Variants in VWC2 observed in about 807,000 individuals in gnomAD.
The protein encoded by VWC2 is von Willebrand factor C domain containing 2.
A neutral mutation model predicts 29.8 loss-of-function variants in VWC2; 14 were observed. The observed-to-expected ratio is 0.47, with a 90% CI of 0.31 to 0.74. VWC2 has a LOEUF of 0.74. VWC2 is among the 30% of genes least tolerant of loss of function. VWC2 has a pLI of 0.05. For missense variants in VWC2, 457 were observed against 459.8 expected (o/e 0.99, Z 0.05); for synonymous variants, 213 against 199.0 (o/e 1.07, Z -0.59).
chr7:49,832,341 T>C (rs1422827338), intron 3 of VWC2, among the ~76,000 whole-genome samples: 3 of 152,132 alleles, frequency 2.0e-5, no homozygotes, highest in Non-Finnish European at 4.4e-5. Flanking sequence ...CCTCATTCTA[T>C]TTTCTGAGAA....
At chr7:49,828,942 A>G (rs1313855004) in intron 3 of VWC2, among the ~76,000 whole-genome samples, 2 of 152,112 alleles carry the variant, frequency 1.3e-5, no homozygotes, top group South Asian at 4.1e-4. Context: ...AGACTAGTCA[A>G]TGCTAAGCCT....
chr7:49,907,884 G>A (rs1793190662), intron 3 of VWC2, among the ~76,000 whole-genome samples: 2 of 152,134 alleles, frequency 1.3e-5, no homozygotes, highest in South Asian at 4.1e-4. Flanking sequence ...GTTTTGTCAT[G>A]CAGATGAAGC....
At chr7:49,789,119 TAG>T (rs1491520104) in intron 2 of VWC2, among the ~76,000 whole-genome samples, 1 of 128,016 alleles carries the variant, frequency 7.8e-6, no homozygotes, top group Admixed American at 7.5e-5. Context: ...TGAGAGAGTG[TAG>T]TGTGTGTGTG....
intron 2 of VWC2, among the ~76,000 whole-genome samples, chr7:49,800,108 G>A (rs2128705436): frequency 6.6e-6 from 1 of 152,326 alleles, no homozygotes; most frequent in Admixed American, 6.5e-5. Flanking sequence ...AAAATAGCAT[G>A]CTGGCCTGTG....
At chr7:49,799,828 G>A (rs536337050) in intron 2 of VWC2, among the ~76,000 whole-genome samples, 1 of 152,248 alleles carries the variant, frequency 6.6e-6, no homozygotes, top group Non-Finnish European at 1.5e-5. Flanking sequence ...TAGGTTATAT[G>A]GTATAGCCTA....
intron 3 of VWC2, among the ~76,000 whole-genome samples, chr7:49,902,902 A>G (rs1792849258): frequency 6.6e-6 from 1 of 152,210 alleles, no homozygotes; most frequent in Non-Finnish European, 1.5e-5. Flanking sequence ...GAACATATAA[A>G]TAACACAACA....
intron 3 of VWC2, among the ~76,000 whole-genome samples, chr7:49,855,227 G>A (rs1409294577): frequency 6.6e-6 from 1 of 152,156 alleles, no homozygotes; most frequent in African/African-American, 2.4e-5. Context: ...CTCTGAAAAT[G>A]GGATATGTTT....
intron 3 of VWC2, among the ~76,000 whole-genome samples, chr7:49,907,920 T>C (rs1429784797): frequency 6.6e-6 from 1 of 152,140 alleles, no homozygotes; most frequent in East Asian, 1.9e-4. Flanking sequence ...TCAGAGCTCT[T>C]ATCAGACCTA....
intron 3 of VWC2, among the ~76,000 whole-genome samples, chr7:49,882,251 TAGG>T (rs1199281012): frequency 1.3e-5 from 2 of 152,094 alleles, no homozygotes; most frequent in Non-Finnish European, 2.9e-5. Flanking sequence ...AGTTTTCAAT[TAGG>T]AGGAGGAAGA....
chr7:49,863,756 A>C (rs568755486), intron 3 of VWC2, among the ~76,000 whole-genome samples: 148 of 151,878 alleles, frequency 9.7e-4, no homozygotes, highest in Non-Finnish European at 1.9e-3. Flanking sequence ...TATTTTGTTT[A>C]TCCTGTGCTA....
chr7:49,881,824 T>G (rs1327577518), intron 3 of VWC2, among the ~76,000 whole-genome samples: 1 of 152,074 alleles, frequency 6.6e-6, no homozygotes, highest in Non-Finnish European at 1.5e-5. Context: ...ATTCATAACT[T>G]ATGTTTGTAC....
chr7:49,865,521 T>C (rs1301563071), intron 3 of VWC2, among the ~76,000 whole-genome samples: 1 of 152,242 alleles, frequency 6.6e-6, no homozygotes, highest in Admixed American at 6.5e-5. Context: ...TCTGGCAATG[T>C]GGTTCCTCAC....
At chr7:49,803,841 T>C (rs1212499367) in intron 3 of VWC2, among the ~76,000 whole-genome samples, 2 of 152,158 alleles carry the variant, frequency 1.3e-5, no homozygotes, top group Non-Finnish European at 2.9e-5. Context: ...GTTCCATGGG[T>C]ACCTTCGACC....
intron 3 of VWC2, among the ~76,000 whole-genome samples, chr7:49,804,860 A>G (rs1788837483): frequency 6.6e-6 from 1 of 152,132 alleles, no homozygotes; most frequent in Non-Finnish European, 1.5e-5. Context: ...TTTCTTTCCC[A>G]TAAGACACAT....
At chr7:49,842,655 T>C (rs1018168272) in intron 3 of VWC2, among the ~76,000 whole-genome samples, 3 of 152,236 alleles carry the variant, frequency 2.0e-5, no homozygotes, top group African/African-American at 7.2e-5. Flanking sequence ...AATAATTGTC[T>C]TTAAAGTTAT....
intron 3 of VWC2, among the ~76,000 whole-genome samples, chr7:49,832,311 T>C (rs1293924265): frequency 6.6e-6 from 1 of 152,176 alleles, no homozygotes. Flanking sequence ...TTTTATTTGC[T>C]ATTCTAGAAT....
At chr7:49,844,375 A>C (rs375621152) in intron 3 of VWC2, among the ~76,000 whole-genome samples, 46 of 152,360 alleles carry the variant, frequency 3.0e-4, no homozygotes, top group South Asian at 2.7e-3. Flanking sequence ...AGGTAAGCCA[A>C]GCCAGGTCTG....
intron 2 of VWC2, among the ~76,000 whole-genome samples, chr7:49,789,268 A>T (rs13230101): frequency 7.8e-6 from 1 of 128,608 alleles, no homozygotes; most frequent in South Asian, 2.8e-4. Context: ...GGTGTGTGTG[A>T]GCGGGTGTGT....
intron 3 of VWC2, among the ~76,000 whole-genome samples, chr7:49,842,608 G>T (rs1439189173): frequency 6.6e-6 from 1 of 152,138 alleles, no homozygotes; most frequent in African/African-American, 2.4e-5. Flanking sequence ...AGTGAACTTA[G>T]GAATGTTCTT....
Sources: allele counts gnomAD v4.1 joint callset (sites outside exome capture counted in the v4.1 genomes callset), GRCh38; gene constraint gnomAD v4.1.1; transcripts MANE v1.5; gene names NCBI Gene and HGNC (gene_info 2026-07-23, HGNC 2026-07-21).